MAP2K3: variants seen among roughly 807,000 people sequenced by gnomAD.
The protein encoded by MAP2K3 is dual specificity mitogen-activated protein kinase kinase 3.
In MAP2K3, 30 loss-of-function variants were observed where a neutral mutation model predicts 46.4. That is an observed-to-expected ratio of 0.65 (90% CI 0.48 to 0.88). The LOEUF is 0.88. Among genes scored for constraint, MAP2K3 ranks in the 40% least tolerant of loss-of-function variants. The probability of loss-of-function intolerance (pLI) is 0.00; values close to 1 mark genes in which losing one functional copy is unlikely to be tolerated. For synonymous variants in MAP2K3, 189 were observed against 176.3 expected, an observed-to-expected ratio of 1.07 and a Z score of -0.57; for missense variants, 380 against 464.5, an observed-to-expected ratio of 0.82 and a Z score of 1.67.
rs1258341554 is a variant in MAP2K3, at chr17:21,292,138, G to A, written c.50-6275G>A. 2.6e-5 allele frequency among the ~76,000 whole-genome samples: 4 copies of A among 152,428 alleles called. No homozygotes were observed. The East Asian group carries it at 7.7e-4, about 29-fold the overall frequency. On this transcript the variant is annotated intron_variant, in intron 1 of 11. Transcript: ENST00000342679. ...GCATCTGCACTGGACAGTCTCTGGG[G>A]CACCCTCCAGCCTGAGCAGCCTGCT... is the stretch of plus-strand genomic sequence containing the variant.
intron 1 of MAP2K3, chr17:21,295,687 AGAGG>A (rs1976201296): frequency 7.8e-7 from 1 of 1,289,388 alleles, no homozygotes; most frequent in Admixed American, 2.3e-5. Flanking sequence ...CGGTGGATGC[AGAGG>A]CCAGTCCATA....
chr17:21,287,886 T>C (rs1975764001), intron 1 of MAP2K3: 1 of 453,714 alleles, frequency 2.2e-6, no homozygotes, highest in African/African-American at 2.0e-5. Context: ...AGAGCACTGT[T>C]GTATCCTAGC....
At chr17:21,285,689 C>T (rs545340237) in intron 1 of MAP2K3, among the ~76,000 whole-genome samples, 16 of 152,258 alleles carry the variant, frequency 1.1e-4, no homozygotes, top group African/African-American at 3.9e-4. Context: ...TCTTGAGTTG[C>T]AAGCTTCTCC....
chr17:21,295,690 G>A (rs773278019), intron 1 of MAP2K3: 782 of 1,289,326 alleles, frequency 6.1e-4, no homozygotes, highest in Non-Finnish European at 7.3e-4. Flanking sequence ...TGGATGCAGA[G>A]GCCAGTCCAT....
intron 1 of MAP2K3, among the ~76,000 whole-genome samples, chr17:21,287,109 C>T (rs987266371): frequency 2.0e-5 from 3 of 152,242 alleles, no homozygotes; most frequent in Admixed American, 1.3e-4. Context: ...CTTCCCCGTG[C>T]TCCCCTATGT....
rs1976779865 is a variant in MAP2K3 at position 21,304,468 on chromosome 17, T to A, written c.611T>A (p.Val204Glu). The A allele has an allele frequency of 6.2e-7, 1 of 1,614,200 alleles. No homozygotes were observed. Among genetic ancestry groups the A allele is most frequent in the Non-Finnish European group, 8.5e-7 (1 of 1,180,066 alleles). Residue 204 changes from valine to glutamate, a missense_variant, in exon 8 of 12, where the codon GTG becomes GAG. Around this residue, in one of 5 missense-constraint regions of MAP2K3, gnomAD observed 13 missense variants for 32.7 expected, o/e 0.40. Coordinates refer to ENST00000342679, the MANE Select transcript of MAP2K3 (RefSeq NM_145109.3). ...SNVLINKEGH[V>E]KMCDFGISGY... ...GTCCTTATCAACAAGGAGGGCCATG[T>A]GAAGATGTGTGACTTTGGCATCAGT... is the stretch of plus-strand genomic sequence containing the variant.
chr17:21,288,635 C>T (rs912807600), intron 1 of MAP2K3, among the ~76,000 whole-genome samples: 6 of 152,226 alleles, frequency 3.9e-5, no homozygotes, highest in Admixed American at 3.9e-4. Flanking sequence ...TAAATGATTT[C>T]TGTCCCCTGG....
chr17:21,293,817 G>T (rs1458698346), intron 1 of MAP2K3, among the ~76,000 whole-genome samples: 27 of 152,302 alleles, frequency 1.8e-4, no homozygotes, highest in Non-Finnish European at 2.5e-4. Flanking sequence ...CACAGCCTGG[G>T]CCTGGCATGG....
intron 3 of MAP2K3, among the ~76,000 whole-genome samples, 171 bp downstream of exon 3, chr17:21,299,097 C>T (rs1976441745): frequency 6.6e-6 from 1 of 152,308 alleles, no homozygotes; most frequent in Non-Finnish European, 1.5e-5. Flanking sequence ...GCCACCCACT[C>T]TTTGACCCTC....
At chr17:21,291,308 CAATACAATAG>C (rs1452667537) in intron 1 of MAP2K3, 18 of 27,278 alleles carry the variant, frequency 6.6e-4, no homozygotes, top group East Asian at 3.2e-3. Context: ...CAATAGAATA[CAATACAATAG>C]AATACAATAG....
intron 7 of MAP2K3, among the ~76,000 whole-genome samples, chr17:21,303,644 G>C (rs963318043): frequency 6.6e-6 from 1 of 152,312 alleles, no homozygotes; most frequent in Non-Finnish European, 1.5e-5. Context: ...GCACCCACAA[G>C]TCTGGTTTTC....
At chr17:21,292,951 G>C (rs1225566557) in intron 1 of MAP2K3, among the ~76,000 whole-genome samples, 3 of 152,312 alleles carry the variant, frequency 2.0e-5, no homozygotes, top group Non-Finnish European at 4.4e-5. Context: ...TTCCCCATCT[G>C]CAGCATGGAG....
At chr17:21,312,578 A>G (rs977654438) in intron 10 of MAP2K3, among the ~76,000 whole-genome samples, 1 of 152,210 alleles carries the variant, frequency 6.6e-6, no homozygotes, top group African/African-American at 2.4e-5. Flanking sequence ...GATATCTAGA[A>G]CTTTGTACCA....
At chr17:21,303,448 C>A (rs999332301) in intron 7 of MAP2K3, among the ~76,000 whole-genome samples, 2 of 152,428 alleles carry the variant, frequency 1.3e-5, no homozygotes, top group Middle Eastern at 3.4e-3. Flanking sequence ...TGACTTCTGT[C>A]CTGAGAAAGG....
chr17:21,300,413 C>T (rs1312012188), intron 3 of MAP2K3, 132 bp from the exon 4 acceptor site: 21 of 872,980 alleles, frequency 2.4e-5, no homozygotes, highest in East Asian at 1.3e-4. Context: ...CAGCAGGGAG[C>T]GGTGGATATG....
chr17:21,312,868 C>G (rs1321157808), intron 10 of MAP2K3, among the ~76,000 whole-genome samples: 1 of 150,912 alleles, frequency 6.6e-6, no homozygotes, highest in Non-Finnish European at 1.5e-5. Context: ...TGAGCCTGAG[C>G]CGAGATCATG....
intron 9 of MAP2K3, among the ~76,000 whole-genome samples, chr17:21,307,133 A>C (rs960010624): frequency 6.6e-6 from 1 of 152,302 alleles, no homozygotes; most frequent in African/African-American, 2.4e-5. Flanking sequence ...TCTCAGCATC[A>C]GTTGGCGGGT....
At chr17:21,298,849 G>C in intron 2 of MAP2K3, 29 bp from the exon 3 acceptor site, 2 of 1,614,296 alleles carry the variant, frequency 1.2e-6, no homozygotes, top group Non-Finnish European at 8.5e-7. Context: ...GGTTCTCTCT[G>C]AAGCTCACGG....
rs41301805 is a variant in MAP2K3 at position 21,285,007 on chromosome 17, G to A, written c.49+38G>A. ...GGCCGGGACCTCGGCCTGACCCCGC[G>A]CCTAATCTGGGGCCGGGCTGCAAAC... On this transcript the variant is annotated intron_variant, in intron 1 of 11. Coordinates refer to ENST00000342679, the MANE Select transcript of MAP2K3 (RefSeq NM_145109.3). 1,342 of 1,594,124 alleles carry A rather than the reference G, an allele frequency of 8.4e-4. 1 individual carries two copies. The highest frequency in any genetic ancestry group is 1.1e-3 in the Non-Finnish European group (1,250 of 1,171,010).
Sources: gnomAD v4.1 joint callset for allele counts (sites outside exome capture counted in the v4.1 genomes callset) on GRCh38, gnomAD v4.1.1 for gene constraint, gnomAD v4.1.1 regional missense constraint, MANE v1.5 for transcripts, NCBI Gene and HGNC (gene_info 2026-07-23, HGNC 2026-07-21) for gene names.